Variants in ANKRD36C observed in about 807,000 individuals in gnomAD.
The protein encoded by ANKRD36C is ankyrin repeat domain 36C.
ANKRD36C carries 61 observed loss-of-function variants against 276.4 expected under a neutral mutation model. That is an observed-to-expected ratio of 0.22 (90% CI 0.18 to 0.27). The LOEUF (loss-of-function observed/expected upper bound fraction) is 0.27. Ranked by LOEUF, ANKRD36C falls within the 10% of genes least tolerant of loss-of-function variation. The pLI, the probability that ANKRD36C is intolerant of heterozygous loss-of-function variation, is 1.00. For missense variants in ANKRD36C, 1,447 were observed against 2,032.3 expected, an observed-to-expected ratio of 0.71 and a Z score of 5.54; for synonymous variants, 483 against 680.1, an observed-to-expected ratio of 0.71 and a Z score of 4.51.
chr2:95,955,053 AC>A (rs1381800379), intron 13 of ANKRD36C, among the ~76,000 whole-genome samples: 1 of 152,296 alleles, frequency 6.6e-6, no homozygotes, highest in African/African-American at 2.4e-5. Flanking sequence ...GTTACCAACT[AC>A]CCAAATGAAG....
At chr2:95,873,001 G>A (rs1048436048) in intron 59 of ANKRD36C, among the ~76,000 whole-genome samples, 31 of 152,182 alleles carry the variant, frequency 2.0e-4, no homozygotes, top group Admixed American at 6.5e-4. Flanking sequence ...CCAATAACAG[G>A]CTCTGAAATT....
At chr2:95,854,150 A>C (rs1157951888) in intron 63 of ANKRD36C, among the ~76,000 whole-genome samples, 1 of 151,786 alleles carries the variant, frequency 6.6e-6, no homozygotes, top group Non-Finnish European at 1.5e-5. Context: ...AGTCTCAAAA[A>C]GAAATGAGTA....
At chr2:95,896,652 C>A (rs1184738262) in intron 44 of ANKRD36C, among the ~76,000 whole-genome samples, 1 of 140,926 alleles carries the variant, frequency 7.1e-6, no homozygotes, top group Non-Finnish European at 1.6e-5. Flanking sequence ...CCAATTATAC[C>A]ATTGTTTCCT....
At chr2:95,867,258 A>T (rs1356187648) in intron 60 of ANKRD36C, among the ~76,000 whole-genome samples, 182 bp downstream of exon 80, 1 of 152,208 alleles carries the variant, frequency 6.6e-6, no homozygotes, top group Admixed American at 6.5e-5. Context: ...CAGTGAAATG[A>T]TCATAGCCCT....
At chr2:95,959,669 T>C (rs1678410364) in intron 10 of ANKRD36C, among the ~76,000 whole-genome samples, 1 of 152,194 alleles carries the variant, frequency 6.6e-6, no homozygotes, top group Admixed American at 6.5e-5. Context: ...CATGTCATTC[T>C]CTAAAGTATT....
chr2:95,923,661 C>T (rs1280015995), exon 31 of ANKRD36C: 2 of 1,610,376 alleles, frequency 1.2e-6, no homozygotes, highest in Non-Finnish European at 1.7e-6. Flanking sequence ...GTTTAATTAC[C>T]TTTGAGGGTG....
At chr2:95,947,721 T>TA (rs1325896486) in intron 17 of ANKRD36C, among the ~76,000 whole-genome samples, 1 of 152,144 alleles carries the variant, frequency 6.6e-6, no homozygotes, top group Admixed American at 6.6e-5. Context: ...TTCAATTAGA[T>TA]AAAGAGTTTA....
chr2:95,907,752 C>A (rs1676785247), intron 42 of ANKRD36C, among the ~76,000 whole-genome samples: 1 of 149,224 alleles, frequency 6.7e-6, no homozygotes. Context: ...GCTCCTTGAA[C>A]AAGGAAACAA....
At chr2:95,929,046 A>AC (rs1677490089) in intron 26 of ANKRD36C, 26 bp downstream of exon 26, 1 of 1,600,956 alleles carries the variant, frequency 6.2e-7, no homozygotes, top group African/African-American at 1.3e-5. Flanking sequence ...ATTGAACATG[A>AC]CATTAGAAGT....
intron 42 of ANKRD36C, among the ~76,000 whole-genome samples, chr2:95,907,877 A>G (rs1163170175): frequency 8.6e-4 from 128 of 148,574 alleles, no homozygotes; most frequent in Non-Finnish European, 8.2e-4. Context: ...GTGTATTCCA[A>G]TTATACCATT....
At chr2:95,963,999 ATATATATATATATATGTG>A (rs1197755602) in intron 6 of ANKRD36C, among the ~76,000 whole-genome samples, 1,227 of 18,126 alleles carry the variant, frequency 0.068, 7 homozygotes, top group East Asian at 0.12. Context: ...ATATATATAT[ATATATATATATATATGTG>A]TGTGTGTGTC....
chr2:95,960,162 CCT>C (rs1487047812), intron 10 of ANKRD36C, among the ~76,000 whole-genome samples: 4 of 151,976 alleles, frequency 2.6e-5, no homozygotes, highest in African/African-American at 9.7e-5. Flanking sequence ...TTCTCCTTCC[CCT>C]CTTGATGGAG....
At chr2:95,935,739 CAGGAA>C in intron 22 of ANKRD36C, 95 bp from the exon 23 acceptor site, 8 of 1,452,192 alleles carry the variant, frequency 5.5e-6, no homozygotes, top group Non-Finnish European at 7.3e-6. Context: ...ACAACTAACA[CAGGAA>C]AGTACTTCTA....
intron 44 of ANKRD36C, among the ~76,000 whole-genome samples, chr2:95,897,790 A>G (rs1676598614): frequency 1.4e-5 from 2 of 147,784 alleles, no homozygotes; most frequent in African/African-American, 5.0e-5. Context: ...CAACACATAC[A>G]CCTGAGAATC....
intron 44 of ANKRD36C, among the ~76,000 whole-genome samples, 160 bp downstream of exon 64, chr2:95,893,373 G>A (rs901164662): frequency 1.3e-5 from 2 of 151,232 alleles, no homozygotes; most frequent in Non-Finnish European, 3.0e-5. Context: ...TTCCAGACCA[G>A]CAGCATCAGC....
downstream of ANKRD36C, among the ~76,000 whole-genome samples, chr2:95,849,090 C>T (rs1184521312): frequency 2.6e-5 from 4 of 151,926 alleles, no homozygotes; most frequent in Non-Finnish European, 5.9e-5. Context: ...GAGATGGAGT[C>T]ACTCTGTTGC....
chr2:95,960,827 A>G (rs1390753714), intron 8 of ANKRD36C, among the ~76,000 whole-genome samples, 160 bp from the exon 9 acceptor site: 2 of 149,982 alleles, frequency 1.3e-5, no homozygotes, highest in Non-Finnish European at 3.0e-5. Flanking sequence ...TGACAGAATT[A>G]CACTGTAGAA....
intron 38 of ANKRD36C, among the ~76,000 whole-genome samples, chr2:95,914,848 G>C (rs1160469346): frequency 6.6e-6 from 1 of 151,542 alleles, no homozygotes; most frequent in African/African-American, 2.4e-5. Context: ...ATACCTGTTT[G>C]CTGATACCTA....
chr2:95,879,828 A>T (rs28548078), intron 58 of ANKRD36C, among the ~76,000 whole-genome samples: 2 of 149,076 alleles, frequency 1.3e-5, no homozygotes, highest in African/African-American at 5.0e-5. Context: ...AACTATTGAA[A>T]TTCCAAATTG....
Sources: allele counts gnomAD v4.1 joint callset (sites outside exome capture counted in the v4.1 genomes callset), GRCh38; gene constraint gnomAD v4.1.1; transcripts MANE v1.5; gene names NCBI Gene and HGNC (gene_info 2026-07-23, HGNC 2026-07-21).